Variants in ATP9A observed in about 807,000 individuals in gnomAD.
ATP9A encodes the protein ATPase phospholipid transporting 9A, also known as probable phospholipid-transporting ATPase IIA.
In ATP9A, 52 loss-of-function variants were observed where a neutral mutation model predicts 144.1. The observed-to-expected ratio is 0.36, with a 90% confidence interval of 0.29 to 0.45. ATP9A has a LOEUF of 0.45. ATP9A is among the 20% of genes least tolerant of loss of function. ATP9A has a pLI of 1.00. For synonymous variants in ATP9A, 582 were observed against 557.4 expected (o/e 1.04, Z -0.62); for missense variants, 947 against 1,392.7 (o/e 0.68, Z 5.09).
intron 9 of ATP9A, among the ~76,000 whole-genome samples, chr20:51,688,593 A>G (rs1218273740): frequency 7.0e-6 from 1 of 141,908 alleles, no homozygotes; most frequent in Non-Finnish European, 1.6e-5. Flanking sequence ...CCTTGTCTCA[A>G]AAAAAGAGAA....
intron 14 of ATP9A, among the ~76,000 whole-genome samples, chr20:51,648,844 A>C (rs1437408943): frequency 6.6e-6 from 1 of 152,164 alleles, no homozygotes; most frequent in Admixed American, 6.5e-5. Flanking sequence ...AAAAATAAGC[A>C]AAACACATTA....
chr20:51,609,495 T>A (rs1009408569), intron 24 of ATP9A, among the ~76,000 whole-genome samples: 1 of 152,076 alleles, frequency 6.6e-6, no homozygotes, highest in Non-Finnish European at 1.5e-5. Context: ...TCCACCTACC[T>A]GGGTGATTCA....
intron 15 of ATP9A, among the ~76,000 whole-genome samples, chr20:51,639,115 C>T (rs1268473313): frequency 2.0e-5 from 3 of 152,210 alleles, no homozygotes; most frequent in Non-Finnish European, 4.4e-5. Context: ...AATGGACGTT[C>T]TCTTTAACTT....
chr20:51,694,915 GCT>G (rs1337411693), intron 6 of ATP9A, among the ~76,000 whole-genome samples: 3 of 152,058 alleles, frequency 2.0e-5, no homozygotes, highest in South Asian at 4.1e-4. Flanking sequence ...ACTCCATAAT[GCT>G]CTGTTTTCAC....
At chr20:51,610,915 G>A (rs576002568) in intron 23 of ATP9A, among the ~76,000 whole-genome samples, 2 of 152,266 alleles carry the variant, frequency 1.3e-5, no homozygotes, top group East Asian at 3.9e-4. Flanking sequence ...AAACCCTCGC[G>A]GAAATGTCTG....
At chr20:51,662,458 T>C (rs1239885905) in intron 13 of ATP9A, among the ~76,000 whole-genome samples, 2 of 151,608 alleles carry the variant, frequency 1.3e-5, no homozygotes, top group African/African-American at 2.4e-5. Flanking sequence ...GGCAGGAGAA[T>C]TGCTTGAACC....
At chr20:51,680,960 C>G (rs938910624) in intron 9 of ATP9A, among the ~76,000 whole-genome samples, 3 of 152,130 alleles carry the variant, frequency 2.0e-5, no homozygotes, top group African/African-American at 4.8e-5. Flanking sequence ...CCCCTCCCCC[C>G]AAAATAACCG....
intron 4 of ATP9A, among the ~76,000 whole-genome samples, chr20:51,710,621 G>C (rs146635095): frequency 2.6e-5 from 4 of 152,244 alleles, no homozygotes; most frequent in African/African-American, 9.6e-5. Flanking sequence ...AAACTGCAGC[G>C]CTAGGGTCTG....
rs540809303 is a variant in ATP9A at position 51,757,901 on chromosome 20, C to CA, written c.68+10400dup. ...TGAGCAATAGAATGAGAGTACGTCTCAAAAAAAAAAAAAGGTTTTAAATGT... is the reference window on the plus strand; with the variant it reads ...TGAGCAATAGAATGAGAGTACGTCTCAAAAAAAAAAAAAAGGTTTTAAATGT... On this transcript the variant is annotated intron_variant, in intron 1 of 27. Transcript: ENST00000338821. Among the ~76,000 whole-genome samples, 1,145 of 124,422 alleles carry CA rather than the reference C, an allele frequency of 9.2e-3. 16 individuals carry two copies. Among genetic ancestry groups the CA allele is most frequent in the African/African-American group, 0.029 (971 of 33,964 alleles). 81.6% of individuals were successfully genotyped at this position (124,422 alleles called of 152,430 possible).
chr20:51,763,119 C>G (rs371908416), intron 1 of ATP9A, among the ~76,000 whole-genome samples: 2 of 152,076 alleles, frequency 1.3e-5, no homozygotes, highest in Admixed American at 1.3e-4. Context: ...CATTGATAGA[C>G]AATTTCCAGA....
At chr20:51,626,696 T>G (rs1225700080) in intron 17 of ATP9A, among the ~76,000 whole-genome samples, 1 of 149,670 alleles carries the variant, frequency 6.7e-6, no homozygotes, top group Admixed American at 6.7e-5. Context: ...TCCAAGAGAA[T>G]GATTTATGCC....
chr20:51,704,272 G>A (rs532664025), intron 4 of ATP9A, among the ~76,000 whole-genome samples: 3 of 151,686 alleles, frequency 2.0e-5, no homozygotes, highest in South Asian at 2.1e-4. Context: ...TGGTCTTGCC[G>A]GTTTATGGTG....
intron 18 of ATP9A, among the ~76,000 whole-genome samples, chr20:51,623,827 G>GAA (rs941329095): frequency 7.0e-6 from 1 of 143,092 alleles, no homozygotes; most frequent in Non-Finnish European, 1.5e-5. Flanking sequence ...GAAAAGAAAA[G>GAA]AAAATTTCCT....
At chr20:51,670,163 AT>A (rs1233408200) in intron 12 of ATP9A, 54 bp from the exon 13 acceptor site, 1 of 1,363,752 alleles carries the variant, frequency 7.3e-7, no homozygotes, top group Non-Finnish European at 1.0e-6. Flanking sequence ...GTTTGTTATT[AT>A]TAACAGTAAT....
chr20:51,617,119 T>G (rs1009374586), intron 22 of ATP9A, among the ~76,000 whole-genome samples: 2 of 151,964 alleles, frequency 1.3e-5, no homozygotes, highest in Non-Finnish European at 2.9e-5. Flanking sequence ...TTTTTGTATT[T>G]TCAGTAGAGA....
intron 1 of ATP9A, among the ~76,000 whole-genome samples, chr20:51,760,725 C>A (rs74513963): frequency 3.3e-3 from 352 of 105,266 alleles, no homozygotes; most frequent in Middle Eastern, 7.0e-3. Context: ...GACTCCGTCT[C>A]AAAAAAAAAA....
chr20:51,670,313 G>C (rs542338038), intron 12 of ATP9A, among the ~76,000 whole-genome samples: 1 of 152,284 alleles, frequency 6.6e-6, no homozygotes, highest in African/African-American at 2.4e-5. Flanking sequence ...GCTTTCCCAG[G>C]GGAAATTAAC....
chr20:51,637,697 CTG>C (rs1170148733), intron 15 of ATP9A, among the ~76,000 whole-genome samples: 1 of 111,658 alleles, frequency 9.0e-6, no homozygotes, highest in Non-Finnish European at 2.0e-5. Flanking sequence ...CTTGTGCACT[CTG>C]TTTTTTTTTT....
chr20:51,669,235 G>A (rs887114353), intron 13 of ATP9A, among the ~76,000 whole-genome samples: 1 of 152,092 alleles, frequency 6.6e-6, no homozygotes, highest in Non-Finnish European at 1.5e-5. Flanking sequence ...TAAATGTCTC[G>A]TTTTTGTTCT....
Sources: gnomAD v4.1 joint callset for allele counts (sites outside exome capture counted in the v4.1 genomes callset) on GRCh38, gnomAD v4.1.1 for gene constraint, MANE v1.5 for transcripts, NCBI Gene and HGNC (gene_info 2026-07-23, HGNC 2026-07-21) for gene names.